Variants in ATOSA observed in about 807,000 individuals in gnomAD.
ATOSA encodes the protein atos homolog protein A.
chr15:52,611,505 A>T, the ATOSA span: 1 of 1,483,598 alleles, frequency 6.7e-7, no homozygotes. Context: ...GATACATTAA[A>T]ATAATTTATA....
chr15:52,634,168 C>T, the ATOSA span, among the ~76,000 whole-genome samples: 1 of 152,132 alleles, frequency 6.6e-6, no homozygotes, highest in South Asian at 2.1e-4. Flanking sequence ...CATGGTGGCT[C>T]ATGCCTGTAA....
the ATOSA span, among the ~76,000 whole-genome samples, chr15:52,699,666 A>G: frequency 6.6e-6 from 1 of 151,982 alleles, no homozygotes; most frequent in East Asian, 1.9e-4. Flanking sequence ...GTGGTGGTAA[A>G]CAGGGCCTTT....
chr15:52,584,139 A>G, the ATOSA span, among the ~76,000 whole-genome samples: 1 of 148,380 alleles, frequency 6.7e-6, no homozygotes, highest in Non-Finnish European at 1.5e-5. Flanking sequence ...TATATGGCTC[A>G]TATTACTTTT....
the ATOSA span, among the ~76,000 whole-genome samples, chr15:52,593,078 T>G: frequency 2.0e-5 from 3 of 151,748 alleles, no homozygotes; most frequent in Non-Finnish European, 4.4e-5. Flanking sequence ...GCCAGAAGTT[T>G]GAGGCTACAG....
At chr15:52,637,196 G>A in the ATOSA span, among the ~76,000 whole-genome samples, 1 of 152,060 alleles carries the variant, frequency 6.6e-6, no homozygotes, top group African/African-American at 2.4e-5. Flanking sequence ...TTGTTATGAT[G>A]ATTAGAAGTG....
the ATOSA span, among the ~76,000 whole-genome samples, chr15:52,685,102 TA>T: frequency 6.6e-6 from 1 of 152,278 alleles, no homozygotes; most frequent in Non-Finnish European, 1.5e-5. Context: ...GTAGCTTACA[TA>T]ATATTTCTAT....
At chr15:52,692,679 G>A in the ATOSA span, among the ~76,000 whole-genome samples, 1,790 of 152,166 alleles carry the variant, frequency 0.012, 36 homozygotes, top group African/African-American at 0.041. Context: ...TTTCTTCTTA[G>A]AGATGGGGTC....
chr15:52,639,450 T>G, the ATOSA span, among the ~76,000 whole-genome samples: 3 of 152,208 alleles, frequency 2.0e-5, no homozygotes, highest in Admixed American at 6.5e-5. Flanking sequence ...TTTACAGATA[T>G]GCCAGAATAA....
chr15:52,606,243 A>G, the ATOSA span, among the ~76,000 whole-genome samples: 1 of 152,158 alleles, frequency 6.6e-6, no homozygotes, highest in South Asian at 2.1e-4. Context: ...AACACTGTAA[A>G]TTAAAAATTA....
chr15:52,682,987 C>G, the ATOSA span, among the ~76,000 whole-genome samples: 2 of 152,100 alleles, frequency 1.3e-5, no homozygotes, highest in Non-Finnish European at 2.9e-5. Flanking sequence ...CCCTCTAAAA[C>G]CACAGGTATA....
the ATOSA span, chr15:52,611,874 G>GA: frequency 9.0e-7 from 1 of 1,113,418 alleles, no homozygotes; most frequent in Admixed American, 2.3e-5. Flanking sequence ...ATCTGTGTGA[G>GA]AAATGAGTCA....
chr15:52,609,995 T>C, the ATOSA span: 7 of 1,613,776 alleles, frequency 4.3e-6, no homozygotes, highest in East Asian at 1.3e-4. Context: ...TGGTCAGATT[T>C]ACTGCCAGTG....
the ATOSA span, among the ~76,000 whole-genome samples, chr15:52,698,124 G>A: frequency 1.1e-3 from 169 of 151,616 alleles, no homozygotes; most frequent in African/African-American, 2.4e-3. Context: ...CTACAGGCGC[G>A]TGCCACCATG....
chr15:52,662,264 C>G, the ATOSA span, among the ~76,000 whole-genome samples: 1 of 152,138 alleles, frequency 6.6e-6, no homozygotes, highest in African/African-American at 2.4e-5. Flanking sequence ...TTATTAGTAT[C>G]ATGGGGACTC....
the ATOSA span, chr15:52,610,229 T>A: frequency 6.2e-7 from 1 of 1,614,010 alleles, no homozygotes; most frequent in African/African-American, 1.3e-5. Flanking sequence ...TTAGTGTGAA[T>A]ACTGCACGTC....
At chr15:52,638,289 T>C in the ATOSA span, among the ~76,000 whole-genome samples, 1 of 152,200 alleles carries the variant, frequency 6.6e-6, no homozygotes, top group African/African-American at 2.4e-5. Context: ...ATTTCTTATT[T>C]AAGAAACATC....
At chr15:52,664,474 G>T in the ATOSA span, among the ~76,000 whole-genome samples, 11,386 of 151,976 alleles carry the variant, frequency 0.075, 530 homozygotes, top group Middle Eastern at 0.13. Flanking sequence ...GAAAAGAATT[G>T]CTATTCCCAT....
chr15:52,611,726 T>G, the ATOSA span: 2 of 1,614,060 alleles, frequency 1.2e-6, no homozygotes, highest in South Asian at 1.1e-5. Context: ...ATTGGAAGGT[T>G]ATTCTTCCAC....
chr15:52,600,691 A>G, the ATOSA span, among the ~76,000 whole-genome samples: 3 of 152,084 alleles, frequency 2.0e-5, no homozygotes, highest in African/African-American at 7.2e-5. Flanking sequence ...TTCTATATCA[A>G]TCTTATTTTC....
Sources: allele counts gnomAD v4.1 joint callset (sites outside exome capture counted in the v4.1 genomes callset), GRCh38; gene constraint gnomAD v4.1.1; transcripts MANE v1.5; gene names NCBI Gene and HGNC (gene_info 2026-07-23, HGNC 2026-07-21).